Variants in ARMC10 observed in about 807,000 individuals in gnomAD.
ARMC10 encodes armadillo repeat containing 10.
Under a neutral mutation model 30.2 loss-of-function variants are expected in ARMC10, and 23 were observed. The observed-to-expected ratio is 0.76, with a 90% CI of 0.55 to 1.08. The LOEUF (loss-of-function observed/expected upper bound fraction) is 1.08, where lower values mean the gene tolerates loss of function less well. Among genes scored for constraint, ARMC10 ranks in the 50% least tolerant of loss-of-function variants. ARMC10 has a pLI of 0.00. For synonymous variants in ARMC10, 111 were observed against 164.4 expected (o/e 0.68, Z 2.48); for missense variants, 303 against 413.7 (o/e 0.73, Z 2.32).
At chr7:103,076,521 C>T (rs1334536079) in intron 2 of ARMC10, among the ~76,000 whole-genome samples, 1 of 152,160 alleles carries the variant, frequency 6.6e-6, no homozygotes, top group African/African-American at 2.4e-5. Flanking sequence ...GTAAAACTGG[C>T]CAAATGCTTA....
chr7:103,084,984 G>A, intron 3 of ARMC10, among the ~76,000 whole-genome samples: 1 of 152,280 alleles, frequency 6.6e-6, no homozygotes, highest in East Asian at 1.9e-4. Flanking sequence ...GAATACAAGT[G>A]AACAACAATC....
intron 2 of ARMC10, among the ~76,000 whole-genome samples, chr7:103,079,107 C>T (rs1434009002): frequency 6.6e-6 from 1 of 152,076 alleles, no homozygotes; most frequent in African/African-American, 2.4e-5. Context: ...AACGTCATAA[C>T]CTGACAAGGA....
chr7:103,076,309 C>G (rs909351184), intron 2 of ARMC10, among the ~76,000 whole-genome samples: 4 of 152,148 alleles, frequency 2.6e-5, no homozygotes, highest in African/African-American at 9.7e-5. Context: ...CCTGAATTTA[C>G]TGGTAATTGG....
At chr7:103,086,145 C>T (rs1800832726) in intron 3 of ARMC10, among the ~76,000 whole-genome samples, 1 of 152,096 alleles carries the variant, frequency 6.6e-6, no homozygotes, top group South Asian at 2.1e-4. Context: ...GGAAACCACC[C>T]CCCCTTATTT....
intron 5 of ARMC10, among the ~76,000 whole-genome samples, chr7:103,093,699 C>G (rs565352464): frequency 6.6e-6 from 1 of 152,312 alleles, no homozygotes; most frequent in Admixed American, 6.5e-5. Context: ...TATGTTGTTG[C>G]CACTGTAGGA....
intron 2 of ARMC10, among the ~76,000 whole-genome samples, chr7:103,083,447 C>T (rs1382283740): frequency 6.6e-6 from 1 of 152,024 alleles, no homozygotes; most frequent in African/African-American, 2.4e-5. Context: ...AGTGAGACCC[C>T]CATCTGTACA....
chr7:103,075,996 G>T lies in ARMC10; in HGVS notation c.244+115G>T, dbSNP rs1483599493. 6.1e-6 allele frequency: 4 copies of T among 658,348 alleles called. No homozygotes were observed. The South Asian group carries it at 1.2e-4, about 19-fold the overall frequency. The allele number at this position is 658,348 out of a possible 1,614,324, so 40.8% of individuals were successfully genotyped here. On this transcript the variant is annotated intron_variant, in intron 2 of 6. Coordinates refer to ENST00000323716, the MANE Select transcript of ARMC10 (RefSeq NM_031905.5). ...ATCGGTACATTAAAACCCTCCAAAG[G>T]CATGTTTCACATCATGGAAGCTGTT...
At chr7:103,094,240 A>T (rs1313541838) in intron 5 of ARMC10, among the ~76,000 whole-genome samples, 1 of 152,234 alleles carries the variant, frequency 6.6e-6, no homozygotes, top group African/African-American at 2.4e-5. Flanking sequence ...ATAGTGGAGG[A>T]TTAACATAAA....
At chr7:103,075,498 T>C in intron 1 of ARMC10, 87 bp downstream of exon 1, 2 of 1,212,152 alleles carry the variant, frequency 1.6e-6, no homozygotes, top group Non-Finnish European at 1.0e-6. Context: ...GTGCTCGGGG[T>C]AAAATGAGGA....
intron 2 of ARMC10, among the ~76,000 whole-genome samples, chr7:103,082,711 C>T (rs959967634): frequency 6.6e-6 from 1 of 152,092 alleles, no homozygotes; most frequent in Non-Finnish European, 1.5e-5. Context: ...TCCTCACCTA[C>T]CCTTGCCCCT....
rs1799702655 is a variant in ARMC10, at chr7:103,075,758, G to A, written c.140-19G>A. 1 of 1,585,688 alleles carries A rather than the reference G, an allele frequency of 6.3e-7. No individual in the cohort carries two copies. Among genetic ancestry groups the A allele is most frequent in the Admixed American group, 1.8e-5 (1 of 56,606 alleles). Reference sequence around the variant, plus strand: ...GGCTGTTGAGGGGCCCAGAGCCATAGGTCAATCTCTGCTTGCAGGTGCCCT... The same window carrying A: ...GGCTGTTGAGGGGCCCAGAGCCATAAGTCAATCTCTGCTTGCAGGTGCCCT... On this transcript the variant is annotated intron_variant, in intron 1 of 6. Coordinates refer to ENST00000323716, the MANE Select transcript of ARMC10 (RefSeq NM_031905.5).
Position 103,075,845 on chromosome 7 carries a change from A to C in ARMC10, c.208A>C (p.Thr70Pro). 6.2e-7 allele frequency: 1 copy of C among 1,611,200 alleles called. No homozygotes were observed. Residue 70 changes from threonine (T) to proline (P), a missense_variant, in exon 2 of 7, where the codon ACC becomes CCC. Physicochemically the swap from Thr to Pro is conservative, Grantham distance 38. Transcript: ENST00000323716. ...CTCGGCCCGGCCTCAGACGGGAGGT[A>C]CCTGGGAGTCACAGTGGTCCAAGAC... is the stretch of plus-strand genomic sequence containing the variant. ...GRSARPQTGG[T>P]WESQWSKTSQ...
chr7:103,095,461 G>T (rs940898338), intron 5 of ARMC10, among the ~76,000 whole-genome samples: 1 of 152,140 alleles, frequency 6.6e-6, no homozygotes, highest in Non-Finnish European at 1.5e-5. Flanking sequence ...CTTTTTCTTT[G>T]TGGTTTTCTA....
Position 103,087,761 on chromosome 7 carries a change from C to T in ARMC10, c.528+997C>T, listed in dbSNP as rs573669465. ...TCTCTGTATTTAGTTTAGATAAAGA[C>T]TTCCAGCCCAAAACACTGTTAAGCA... On this transcript the variant is annotated intron_variant, in intron 4 of 6. Transcript: ENST00000323716. 7 of 984,800 alleles carry T rather than the reference C, an allele frequency of 7.1e-6. 1 individual carries two copies. Among genetic ancestry groups the T allele is most frequent in the East Asian group, 2.3e-4 (2 of 8,810 alleles). 61.0% of individuals were successfully genotyped at this position (984,800 alleles called of 1,614,324 possible).
intron 4 of ARMC10, among the ~76,000 whole-genome samples, chr7:103,091,488 T>TTATATA (rs71110812): frequency 3.3e-3 from 96 of 29,070 alleles, no homozygotes; most frequent in African/African-American, 3.4e-3. Context: ...AAGGGGTGAA[T>TTATATA]TATATATATA....
At chr7:103,097,520 A>C (rs1801854914) in intron 6 of ARMC10, among the ~76,000 whole-genome samples, 172 bp downstream of exon 6, 1 of 152,180 alleles carries the variant, frequency 6.6e-6, no homozygotes, top group Non-Finnish European at 1.5e-5. Context: ...AATTTTTTGC[A>C]ATGAGCCTCT....
intron 3 of ARMC10, 80 bp downstream of exon 3, chr7:103,083,910 A>G: frequency 6.5e-7 from 1 of 1,536,632 alleles, no homozygotes; most frequent in Non-Finnish European, 8.9e-7. Context: ...AAATTACTTA[A>G]CCTCTCAGAC....
At position 103,075,215 on chromosome 7, in the gene ARMC10, C is replaced by T. The variant is rs905884137; in HGVS notation, c.-58C>T. ...CCCGCGTGCGCTGGAGACCTCCGCGCTGGCCCCCGCGAGCCTCCTGCCCTG... is the reference window on the plus strand; with the variant it reads ...CCCGCGTGCGCTGGAGACCTCCGCGTTGGCCCCCGCGAGCCTCCTGCCCTG... On this transcript the variant is annotated 5_prime_UTR_variant, in exon 1 of 7. Transcript: ENST00000323716. The T allele has an allele frequency of 3.6e-6, 4 of 1,124,238 alleles. No homozygotes were observed. The South Asian group carries it at 1.7e-4, about 48-fold the overall frequency. The allele number at this position is 1,124,238 out of a possible 1,614,324, so 69.6% of individuals were successfully genotyped here. A position where few individuals can be genotyped will look rare whatever the true frequency, so the allele number is the denominator to read the frequency against.
In ARMC10 at chr7:103,075,364, G is replaced by C; in HGVS notation, c.92G>C (p.Arg31Pro). The change falls in exon 1 of 7, where the codon CGG (arginine) becomes CCG (proline). Residue 31 changes from arginine (R) to proline (P), a missense_variant. By Grantham distance (103) the Arg-to-Pro change is moderately radical. Around this residue, in one of 4 missense-constraint regions of ARMC10, gnomAD observed 96 missense variants for 84.2 expected, o/e 1.14. Transcript: ENST00000323716. The stretch of plus-strand genomic sequence containing the variant: ...TGCATTTACAGGCTGACCCGGGGTC[G>C]GCGGCGGGGCGACCGCGAGCTCGGG... Reference protein sequence around the residue: ...CYCIYRLTRGRRRGDRELGIR... With the variant: ...CYCIYRLTRGPRRGDRELGIR... 5 of 1,279,248 alleles carry C rather than the reference G, an allele frequency of 3.9e-6. No individual in the cohort carries two copies. The highest frequency in any genetic ancestry group is 4.9e-6 in the Non-Finnish European group (5 of 1,011,578). The allele number at this position is 1,279,248 out of a possible 1,614,324, so 79.2% of individuals were successfully genotyped here. A position where few individuals can be genotyped will look rare whatever the true frequency, so the allele number is the denominator to read the frequency against.
Sources: gnomAD v4.1 joint callset for allele counts (sites outside exome capture counted in the v4.1 genomes callset) on GRCh38, gnomAD v4.1.1 for gene constraint, gnomAD v4.1.1 regional missense constraint, MANE v1.5 for transcripts, NCBI Gene and HGNC (gene_info 2026-07-23, HGNC 2026-07-21) for gene names.